CCDC91: variants seen among roughly 807,000 people sequenced by gnomAD.
CCDC91 encodes coiled-coil domain-containing protein 91.
In CCDC91, 48 loss-of-function variants were observed where a neutral mutation model predicts 63.2. The observed-to-expected ratio is 0.76, with a 90% CI of 0.60 to 0.97. The LOEUF (loss-of-function observed/expected upper bound fraction) is 0.97. Among genes scored for constraint, CCDC91 ranks in the 50% least tolerant of loss-of-function variants. The pLI is 0.00. For synonymous variants in CCDC91, 167 were observed against 165.8 expected (o/e 1.01, Z -0.06); for missense variants, 500 against 494.6 (o/e 1.01, Z -0.10).
intron 7 of CCDC91, among the ~76,000 whole-genome samples, chr12:28,365,445 A>G (rs1944213563): frequency 6.6e-6 from 1 of 152,194 alleles, no homozygotes; most frequent in African/African-American, 2.4e-5. Context: ...CAAGAAAAGT[A>G]ATTTTTCATT....
intron 1 of CCDC91, among the ~76,000 whole-genome samples, chr12:28,240,753 T>G (rs1945275666): frequency 6.6e-6 from 1 of 152,186 alleles, no homozygotes; most frequent in Admixed American, 6.5e-5. Context: ...TGGCACAGTT[T>G]GTTTAACCAT....
chr12:28,259,814 AAATT>A (rs1565686062), intron 3 of CCDC91, among the ~76,000 whole-genome samples: 2 of 151,914 alleles, frequency 1.3e-5, no homozygotes, highest in Admixed American at 1.3e-4. Context: ...CAACATATTT[AAATT>A]TAGAAGTGTG....
Position 28,382,090 on chromosome 12 carries a change from A to T in CCDC91, c.655-9214A>T, listed in dbSNP as rs1945329363. ...TTATACTTGTTATCTAAGTTCACAA[A>T]CTCATTCACTTAGTCTCACAATCTA... On this transcript the variant is annotated intron_variant, in intron 7 of 12. Transcript: ENST00000536442. Among the ~76,000 whole-genome samples the T allele has an allele frequency of 5.3e-5, 8 of 152,026 alleles. 1 individual carries two copies. The South Asian group carries it at 1.7e-3, about 32-fold the overall frequency.
chr12:28,427,204 T>C (rs1948366841), intron 8 of CCDC91, among the ~76,000 whole-genome samples: 1 of 152,110 alleles, frequency 6.6e-6, no homozygotes, highest in Admixed American at 6.6e-5. Flanking sequence ...GTTTGCTAGC[T>C]TCCTCCCCAA....
At position 28,495,173 on chromosome 12, in the gene CCDC91, A is replaced by G. The variant is rs575228913; in HGVS notation, c.1215+11008A>G. Among the ~76,000 whole-genome samples the G allele has an allele frequency of 5.3e-5, 8 of 151,820 alleles. No homozygotes were observed. In the South Asian group the frequency reaches 1.7e-3, roughly 31 times the overall value. On this transcript the variant is annotated intron_variant, in intron 12 of 12. Transcript: ENST00000536442. ...GCCAAACTGAGGATTTACAGTCTCT[A>G]TCTGTGATATTATTGCGATAGACGT...
chr12:28,293,177 G>A (rs754984614), intron 3 of CCDC91, among the ~76,000 whole-genome samples: 1 of 152,048 alleles, frequency 6.6e-6, no homozygotes, highest in Non-Finnish European at 1.5e-5. Flanking sequence ...TAGAACAGAA[G>A]AAGCTCATTC....
chr12:28,304,302 A>C (rs1014892374), intron 3 of CCDC91, among the ~76,000 whole-genome samples: 3 of 145,466 alleles, frequency 2.1e-5, no homozygotes, highest in Non-Finnish European at 4.5e-5. Context: ...GCTTGAACCC[A>C]GGAGGTGGAA....
At chr12:28,409,238 T>C (rs1325902743) in intron 8 of CCDC91, among the ~76,000 whole-genome samples, 2 of 152,190 alleles carry the variant, frequency 1.3e-5, no homozygotes, top group African/African-American at 2.4e-5. Context: ...GCCCCTTTAT[T>C]AAGCTGAGTA....
At chr12:28,506,770 CA>C (rs1938771898) in intron 12 of CCDC91, among the ~76,000 whole-genome samples, 1 of 151,336 alleles carries the variant, frequency 6.6e-6, no homozygotes, top group South Asian at 2.1e-4. Context: ...ATCAGAACTT[CA>C]GAGAGAACAC....
chr12:28,510,681 A>G (rs1326543943), intron 12 of CCDC91, among the ~76,000 whole-genome samples: 1 of 151,932 alleles, frequency 6.6e-6, no homozygotes, highest in African/African-American at 2.4e-5. Context: ...TAGTAGATAC[A>G]TAAAATTAAC....
At chr12:28,229,632 G>T (rs1342890113) in intron 1 of CCDC91, among the ~76,000 whole-genome samples, 2 of 152,166 alleles carry the variant, frequency 1.3e-5, no homozygotes, top group Admixed American at 1.3e-4. Flanking sequence ...GTTGAGTTTA[G>T]AACTTAGTAG....
intron 1 of CCDC91, among the ~76,000 whole-genome samples, chr12:28,209,836 T>C (rs2135501153): frequency 6.6e-6 from 1 of 152,354 alleles, no homozygotes; most frequent in East Asian, 1.9e-4. Context: ...CATCCCATGC[T>C]TTCTTATAAT....
chr12:28,504,674 C>T (rs1291643187), intron 12 of CCDC91, among the ~76,000 whole-genome samples: 1 of 151,930 alleles, frequency 6.6e-6, no homozygotes, highest in African/African-American at 2.4e-5. Flanking sequence ...TTTACTCTTA[C>T]ACTTCAAAGT....
chr12:28,267,800 A>AT (rs1414360633), intron 3 of CCDC91, among the ~76,000 whole-genome samples: 4 of 30,408 alleles, frequency 1.3e-4, no homozygotes, highest in Non-Finnish European at 2.9e-4. Flanking sequence ...ATATATAATT[A>AT]TATAGTAATA....
rs142655612 is a variant in CCDC91, at chr12:28,361,467, G to A, written c.577-971G>A. On this transcript the variant is annotated intron_variant, in intron 6 of 12. Transcript: ENST00000536442. ...TTACTACTTGTTTCACTTTTTTCTCGTCTTTTTTCTCTTTTTGCTTTCTTT... is the reference window on the plus strand; with the variant it reads ...TTACTACTTGTTTCACTTTTTTCTCATCTTTTTTCTCTTTTTGCTTTCTTT... Among the ~76,000 whole-genome samples the A allele has an allele frequency of 3.0e-4, 46 of 151,712 alleles. 2 individuals carry two copies. In the East Asian group the frequency reaches 7.8e-3, roughly 26 times the overall value.
At chr12:28,387,259 G>T (rs1398732505) in intron 7 of CCDC91, among the ~76,000 whole-genome samples, 2 of 152,136 alleles carry the variant, frequency 1.3e-5, no homozygotes, top group African/African-American at 4.8e-5. Context: ...ACAATGTTGA[G>T]CCATAGGACC....
chr12:28,341,383 T>C (rs532008116), intron 6 of CCDC91, among the ~76,000 whole-genome samples: 8 of 152,160 alleles, frequency 5.3e-5, no homozygotes, highest in Non-Finnish European at 1.2e-4. Flanking sequence ...CCCAGCACTT[T>C]CCGGCCCCCC....
At chr12:28,432,799 CTCTCTTCCAAAGTG>C (rs1948699426) in intron 8 of CCDC91, among the ~76,000 whole-genome samples, 1 of 152,088 alleles carries the variant, frequency 6.6e-6, no homozygotes, top group African/African-American at 2.4e-5. Context: ...AACTGTTAAA[CTCTCTTCCAAAGTG>C]TCTGTACCAT....
At chr12:28,522,358 A>G (rs1464240870) in intron 12 of CCDC91, among the ~76,000 whole-genome samples, 1 of 152,062 alleles carries the variant, frequency 6.6e-6, no homozygotes, top group Non-Finnish European at 1.5e-5. Context: ...GTTTATTTGC[A>G]TAGAGATGTT....
Sources: allele counts gnomAD v4.1 joint callset (sites outside exome capture counted in the v4.1 genomes callset), GRCh38; gene constraint gnomAD v4.1.1; transcripts MANE v1.5; gene names NCBI Gene and HGNC (gene_info 2026-07-23, HGNC 2026-07-21).